The following ELMO1 variants were observed in gnomAD, a reference collection of about 807,000 sequenced individuals.
ELMO1 encodes engulfment and cell motility 1, also known as engulfment and cell motility protein 1.
ELMO1 carries 26 observed loss-of-function variants against 98.9 expected under a neutral mutation model. That is an observed-to-expected ratio of 0.26 (90% CI 0.19 to 0.36). ELMO1 has a LOEUF of 0.36. Ranked by LOEUF, ELMO1 falls within the 10% of genes least tolerant of loss-of-function variation. ELMO1 has a pLI of 1.00. For missense variants in ELMO1, 627 were observed against 935.2 expected, an observed-to-expected ratio of 0.67 and a Z score of 4.30; for synonymous variants, 346 against 346.0, an observed-to-expected ratio of 1.00 and a Z score of 0.00.
chr7:37,166,578 C>T (rs1183706554), intron 13 of ELMO1, among the ~76,000 whole-genome samples: 2 of 152,038 alleles, frequency 1.3e-5, no homozygotes, highest in Non-Finnish European at 2.9e-5. Context: ...TTTATTTTTG[C>T]CTTCATTTCG....
intron 15 of ELMO1, among the ~76,000 whole-genome samples, chr7:37,057,050 T>C (rs1796424937): frequency 6.6e-6 from 1 of 152,234 alleles, no homozygotes; most frequent in African/African-American, 2.4e-5. Context: ...TTAGGTATAA[T>C]ATAGAAAAGA....
intron 15 of ELMO1, among the ~76,000 whole-genome samples, chr7:37,086,346 G>C (rs1160935162): frequency 6.6e-6 from 1 of 151,626 alleles, no homozygotes; most frequent in Non-Finnish European, 1.5e-5. Context: ...GTGTGTGTGT[G>C]TGTGTGTGTG....
intron 8 of ELMO1, among the ~76,000 whole-genome samples, chr7:37,227,649 G>A (rs1291920317): frequency 2.0e-5 from 3 of 152,032 alleles, no homozygotes; most frequent in Non-Finnish European, 4.4e-5. Context: ...GCCTCCCAAA[G>A]TGCTGGGATT....
chr7:37,132,851 G>C (rs1787018981), intron 14 of ELMO1, among the ~76,000 whole-genome samples: 1 of 152,062 alleles, frequency 6.6e-6, no homozygotes, highest in South Asian at 2.1e-4. Flanking sequence ...TGTTATTTAA[G>C]AGTTTTTGTC....
intron 17 of ELMO1, among the ~76,000 whole-genome samples, chr7:36,890,710 T>G (rs1202264268): frequency 6.6e-6 from 1 of 152,196 alleles, no homozygotes; most frequent in Admixed American, 6.5e-5. Flanking sequence ...ATTTCCCTGC[T>G]TCCAAAAACT....
chr7:37,175,116 A>G (rs1790431120), intron 13 of ELMO1, among the ~76,000 whole-genome samples: 2 of 152,226 alleles, frequency 1.3e-5, no homozygotes, highest in Admixed American at 1.3e-4. Flanking sequence ...AGAAAAGAGA[A>G]ACAGCATTTG....
rs184127777 is a variant in ELMO1, at chr7:37,304,622, A to G, written c.192+10228T>C. ...TCCCAGCTACTCAGGAAGCTGAGGC[A>G]GGAGAATCGCTTGAACCCGGGAGGT... On this transcript the variant is annotated intron_variant, in intron 4 of 21. Transcript: ENST00000310758. Among the ~76,000 whole-genome samples the G allele has an allele frequency of 2.5e-3, 375 of 152,302 alleles. 2 individuals carry two copies. Among genetic ancestry groups the G allele is most frequent in the African/African-American group, 8.8e-3 (364 of 41,580 alleles).
At chr7:37,179,201 G>C (rs1458672842) in intron 13 of ELMO1, among the ~76,000 whole-genome samples, 1 of 151,832 alleles carries the variant, frequency 6.6e-6, no homozygotes, top group Admixed American at 6.6e-5. Flanking sequence ...TTTCTTAGAG[G>C]GAACAGACTG....
chr7:37,052,630 C>G (rs1368838139), intron 15 of ELMO1, among the ~76,000 whole-genome samples: 2 of 152,212 alleles, frequency 1.3e-5, no homozygotes, highest in East Asian at 3.8e-4. Flanking sequence ...ACCTGCCACA[C>G]AGCTCCTTAT....
chr7:37,376,005 T>A (rs940582658), intron 1 of ELMO1: 2 of 512,600 alleles, frequency 3.9e-6, no homozygotes, highest in African/African-American at 3.9e-5. Flanking sequence ...GTTGTGAACA[T>A]GGTCAGCCAC....
At chr7:37,172,381 T>C (rs1445774377) in intron 13 of ELMO1, among the ~76,000 whole-genome samples, 2 of 152,104 alleles carry the variant, frequency 1.3e-5, no homozygotes, top group Non-Finnish European at 2.9e-5. Flanking sequence ...AAGAGAAATT[T>C]ACCCTCAATA....
At chr7:36,996,285 G>A (rs1792204458) in intron 16 of ELMO1, among the ~76,000 whole-genome samples, 1 of 152,132 alleles carries the variant, frequency 6.6e-6, no homozygotes, top group Non-Finnish European at 1.5e-5. Context: ...TTGTTCTGTA[G>A]ATTGCAAAGT....
chr7:37,122,051 G>A (rs1394833081), intron 14 of ELMO1, among the ~76,000 whole-genome samples: 3 of 152,230 alleles, frequency 2.0e-5, no homozygotes, highest in South Asian at 2.1e-4. Context: ...CATAAGTGAA[G>A]AAGAAATAAA....
At chr7:37,397,613 C>T (rs1329950451) in intron 1 of ELMO1, among the ~76,000 whole-genome samples, 4 of 152,184 alleles carry the variant, frequency 2.6e-5, no homozygotes, top group African/African-American at 7.2e-5. Context: ...AGATCTAGAA[C>T]CAGAAATACC....
intron 14 of ELMO1, among the ~76,000 whole-genome samples, chr7:37,120,624 C>T (rs375366382): frequency 1.1e-4 from 17 of 152,280 alleles, no homozygotes; most frequent in Middle Eastern, 3.4e-3. Flanking sequence ...ACAAAGTGGC[C>T]GGGAAGCTCA....
At chr7:37,079,345 T>C (rs1339034032) in intron 15 of ELMO1, among the ~76,000 whole-genome samples, 2 of 152,254 alleles carry the variant, frequency 1.3e-5, no homozygotes, top group Non-Finnish European at 2.9e-5. Flanking sequence ...TTGTTTTCAA[T>C]GTCTAACTTG....
intron 13 of ELMO1, among the ~76,000 whole-genome samples, chr7:37,170,396 T>C (rs963376222): frequency 2.0e-5 from 3 of 152,178 alleles, no homozygotes; most frequent in African/African-American, 7.2e-5. Flanking sequence ...CCCTGAGATA[T>C]ACCAGAGCAG....
chr7:37,206,832 T>A (rs56317024), intron 13 of ELMO1, among the ~76,000 whole-genome samples: 2,273 of 142,150 alleles, frequency 0.016, 24 homozygotes, highest in African/African-American at 0.02. Context: ...TTTCTTTTTT[T>A]AAAAAAAAAA....
At chr7:36,991,659 C>T (rs1791886439) in intron 16 of ELMO1, among the ~76,000 whole-genome samples, 1 of 152,158 alleles carries the variant, frequency 6.6e-6, no homozygotes, top group Admixed American at 6.5e-5. Flanking sequence ...ATCTCTTTTC[C>T]TCATTTTCAT....
Sources: allele counts gnomAD v4.1 joint callset (sites outside exome capture counted in the v4.1 genomes callset), GRCh38; gene constraint gnomAD v4.1.1; transcripts MANE v1.5; gene names NCBI Gene and HGNC (gene_info 2026-07-23, HGNC 2026-07-21).